The following DST variants were observed in gnomAD, a reference collection of about 807,000 sequenced individuals.
The protein encoded by DST is bullous pemphigoid antigen.
In DST, 253 loss-of-function variants were observed where a neutral mutation model predicts 875.2. That is an observed-to-expected ratio of 0.29 (90% CI 0.26 to 0.32). DST has a LOEUF of 0.32. Among genes scored for constraint, DST ranks in the 10% least tolerant of loss-of-function variants. The probability of loss-of-function intolerance (pLI) is 1.00; values close to 1 mark genes in which losing one functional copy is unlikely to be tolerated. For missense variants in DST, 8,287 were observed against 9,111.6 expected (o/e 0.91, Z 3.68); for synonymous variants, 3,124 against 3,197.1 (o/e 0.98, Z 0.77).
At chr6:56,885,096 G>A (rs1366954472) in intron 3 of DST, among the ~76,000 whole-genome samples, 1 of 152,164 alleles carries the variant, frequency 6.6e-6, no homozygotes, top group Non-Finnish European at 1.5e-5. Context: ...TGGTTTCTAT[G>A]AGTGTCCTGG....
chr6:56,785,363 C>G (rs908498137), intron 4 of DST, among the ~76,000 whole-genome samples: 2 of 152,232 alleles, frequency 1.3e-5, no homozygotes, highest in Non-Finnish European at 2.9e-5. Context: ...GTGGGCTCCA[C>G]CCAGTTCGAT....
intron 4 of DST, among the ~76,000 whole-genome samples, chr6:56,809,908 T>C (rs1251214301): frequency 2.6e-5 from 4 of 152,220 alleles, no homozygotes; most frequent in Non-Finnish European, 4.4e-5. Flanking sequence ...AATATAGCAT[T>C]TTTACCTATC....
intron 9 of DST, among the ~76,000 whole-genome samples, chr6:56,687,705 G>C (rs1374361790): frequency 3.3e-5 from 5 of 151,488 alleles, no homozygotes; most frequent in Non-Finnish European, 7.4e-5. Flanking sequence ...TTGTTTCCAA[G>C]GACAATTTCT....
chr6:56,919,897 A>G (rs1177923028), intron 2 of DST, among the ~76,000 whole-genome samples: 1 of 152,142 alleles, frequency 6.6e-6, no homozygotes, highest in African/African-American at 2.4e-5. Flanking sequence ...GTGAGTTGAG[A>G]GCCCACCATT....
rs763761466 is a variant in DST, at chr6:56,573,838, T to G, written c.13077A>C (p.Arg4359=). 6.2e-7 allele frequency: 1 copy of G among 1,613,368 alleles called. No individual in the cohort carries two copies. Among genetic ancestry groups the G allele is most frequent in the Non-Finnish European group, 8.5e-7 (1 of 1,179,644 alleles). ...YEDLSKSVNE[R]NEKLQITLTR... ...TCAAGGTTATCTGGAGTTTTTCATT[T>G]CGTTCATTAACAGACTTGGACAGAT... Residue 4359 remains arginine (R), a synonymous_variant, in exon 51 of 104, where the codon CGA becomes CGC. Coordinates refer to ENST00000680361, the MANE Select transcript of DST (RefSeq NM_001374736.1).
intron 3 of DST, among the ~76,000 whole-genome samples, chr6:56,892,607 T>C (rs1788109043): frequency 6.6e-6 from 1 of 152,166 alleles, no homozygotes; most frequent in African/African-American, 2.4e-5. Context: ...ATTCCAGGTG[T>C]GAGCCGCCAC....
rs149551772 is a variant in DST at position 56,876,261 on chromosome 6, G to T, written c.417+24160C>A. 9.4e-3 allele frequency among the ~76,000 whole-genome samples: 1,425 copies of T among 152,212 alleles called. 25 individuals are homozygous for T. The highest frequency in any genetic ancestry group is 0.033 in the African/African-American group (1,356 of 41,516). ...GAAGATTTCCACATTCAATGTGGAT[G>T]GGCCAGCCAACACCTCAGCCACAAA... On this transcript the variant is annotated intron_variant, in intron 3 of 103. Coordinates refer to ENST00000680361, the MANE Select transcript of DST (RefSeq NM_001374736.1).
intron 82 of DST, among the ~76,000 whole-genome samples, chr6:56,497,078 T>A (rs1326965031): frequency 6.6e-6 from 1 of 152,064 alleles, no homozygotes; most frequent in East Asian, 1.9e-4. Context: ...GACGAGTTAA[T>A]GGGTGCAGGA....
At chr6:56,747,209 T>C (rs1589561830) in intron 4 of DST, among the ~76,000 whole-genome samples, 1 of 151,918 alleles carries the variant, frequency 6.6e-6, no homozygotes. Context: ...AGGACAAGAG[T>C]AGAATGGTAG....
chr6:56,726,188 C>T (rs2099456431), intron 5 of DST, among the ~76,000 whole-genome samples: 1 of 152,084 alleles, frequency 6.6e-6, no homozygotes, highest in Admixed American at 6.5e-5. Flanking sequence ...TTCCAAACTC[C>T]TCAGCAAGTC....
At chr6:56,616,028 A>G (rs751224587) in intron 36 of DST, 2 of 1,614,192 alleles carry the variant, frequency 1.2e-6, no homozygotes, top group Non-Finnish European at 1.7e-6. Context: ...TTGGGCTTCA[A>G]GGCATCGGAG....
chr6:56,904,720 T>C (rs1173608528), intron 2 of DST, among the ~76,000 whole-genome samples: 15 of 152,172 alleles, frequency 9.9e-5, no homozygotes, highest in Admixed American at 9.2e-4. Flanking sequence ...AAAAAAGCCA[T>C]GTCTTTTAAC....
At chr6:56,799,559 C>T (rs1361372718) in intron 4 of DST, among the ~76,000 whole-genome samples, 1 of 151,386 alleles carries the variant, frequency 6.6e-6, no homozygotes, top group African/African-American at 2.4e-5. Flanking sequence ...TCGCTGAAGG[C>T]TCAGATGACC....
chr6:56,629,160 A>T (rs1247624065), intron 32 of DST, 90 bp downstream of exon 32: 5 of 1,308,462 alleles, frequency 3.8e-6, no homozygotes. Flanking sequence ...CTATGGAAGT[A>T]AAAAAATAGC....
chr6:56,523,449 A>G (rs1298633730), intron 69 of DST, among the ~76,000 whole-genome samples: 1 of 152,134 alleles, frequency 6.6e-6, no homozygotes, highest in African/African-American at 2.4e-5. Flanking sequence ...AGGTATCTGT[A>G]TGTTCCCTTC....
chr6:56,607,307 G>T lies in DST; in HGVS notation c.7321C>A (p.His2441Asn). 6.2e-7 allele frequency: 1 copy of T among 1,613,396 alleles called. No individual in the cohort carries two copies. Among genetic ancestry groups the T allele is most frequent in the South Asian group, 1.1e-5 (1 of 91,020 alleles). ...YSPRLSALLS[H>N]DKLMHSQGSF... ...CCCTGACTGTGCATCAATTTATCAT[G>T]ACTTAACAAGGCACTTAGCCTGGGG... is the stretch of plus-strand genomic sequence containing the variant. The change falls in exon 40 of 104, where the codon CAT becomes AAT. Residue 2441 changes from histidine (H) to asparagine (N), a missense_variant. Physicochemically the swap from His to Asn is moderately conservative, Grantham distance 68. This residue lies in a region of DST where 3,138 missense variants were observed against 3,116.6 expected (regional missense o/e 1.01). Coordinates refer to ENST00000680361, the MANE Select transcript of DST (RefSeq NM_001374736.1).
At chr6:56,723,730 A>G (rs1457382223) in intron 5 of DST, among the ~76,000 whole-genome samples, 3 of 152,244 alleles carry the variant, frequency 2.0e-5, no homozygotes, top group Non-Finnish European at 2.9e-5. Context: ...AAGGGAGATT[A>G]ATAGATACTC....
intron 61 of DST, among the ~76,000 whole-genome samples, chr6:56,549,580 G>A (rs911413332): frequency 6.6e-6 from 1 of 152,188 alleles, no homozygotes; most frequent in African/African-American, 2.4e-5. Flanking sequence ...AGTAGCAGCA[G>A]TAGTGGTGAT....
chr6:56,935,889 C>CA (rs1265275801), intron 2 of DST, among the ~76,000 whole-genome samples: 1 of 152,076 alleles, frequency 6.6e-6, no homozygotes, highest in Non-Finnish European at 1.5e-5. Context: ...CACACCACTG[C>CA]ACTCCAGCCT....
Sources: gnomAD v4.1 joint callset for allele counts (sites outside exome capture counted in the v4.1 genomes callset) on GRCh38, gnomAD v4.1.1 for gene constraint, gnomAD v4.1.1 regional missense constraint, MANE v1.5 for transcripts, NCBI Gene and HGNC (gene_info 2026-07-23, HGNC 2026-07-21) for gene names.